The following MTFR1L variants were observed in gnomAD, a reference collection of about 807,000 sequenced individuals.
MTFR1L encodes the protein mitochondrial fission regulator 1 like.
A neutral mutation model predicts 27.9 loss-of-function variants in MTFR1L; 10 were observed. That is an observed-to-expected ratio of 0.36 (90% CI 0.22 to 0.61). The LOEUF (loss-of-function observed/expected upper bound fraction) is 0.61. Ranked by LOEUF, MTFR1L falls within the 20% of genes least tolerant of loss-of-function variation. MTFR1L has a pLI of 0.73. For missense variants in MTFR1L, 315 were observed against 363.7 expected, an observed-to-expected ratio of 0.87 and a Z score of 1.09; for synonymous variants, 151 against 139.4, an observed-to-expected ratio of 1.08 and a Z score of -0.58.
chr1:25,823,788 A>G (rs1259678897), intron 3 of MTFR1L, 40 bp downstream of exon 3: 3 of 1,606,008 alleles, frequency 1.9e-6, no homozygotes, highest in Non-Finnish European at 8.5e-7. Flanking sequence ...AGGCTCAGAC[A>G]GTGCTGCTTC....
At chr1:25,823,884 T>G in intron 3 of MTFR1L, 136 bp downstream of exon 3, 1 of 1,147,538 alleles carries the variant, frequency 8.7e-7, no homozygotes, top group Non-Finnish European at 1.2e-6. Flanking sequence ...TAAATGCTTA[T>G]AAGATATCCT....
At position 25,826,139 on chromosome 1, in the gene MTFR1L, C is replaced by T; in HGVS notation, c.130-163C>T. 1.7e-6 allele frequency: 1 copy of T among 595,700 alleles called. No homozygotes were observed. Among genetic ancestry groups the T allele is most frequent in the South Asian group, 2.0e-5 (1 of 49,554 alleles). The allele number at this position is 595,700 out of a possible 1,614,324, so 36.9% of individuals were successfully genotyped here. A position where few individuals can be genotyped will look rare whatever the true frequency, so the allele number is the denominator to read the frequency against. On this transcript the variant is annotated intron_variant, in intron 3 of 6. Transcript: ENST00000374303. This position sits in a 1 kb window ranked among gnomAD's most constrained non-coding sequence, Gnocchi z 4.1. ...GTGAGCCACCATGCCTGACTGTCAT[C>T]TGGCCTCTGTTCAATGTTTTCGACC...
Position 25,832,091 on chromosome 1 carries a change from C to T in MTFR1L, c.*65C>T, listed in dbSNP as rs760881358. The T allele has an allele frequency of 1.9e-6, 3 of 1,612,368 alleles. No individual in the cohort carries two copies. Among genetic ancestry groups the T allele is most frequent in the Non-Finnish European group, 2.5e-6 (3 of 1,179,668 alleles). Reference sequence around the variant, plus strand: ...ATACCTTCAATAGCTGCCTTCCTCACCGCAGATGTTTCTGCCTCTTAAGGA... The same window carrying T: ...ATACCTTCAATAGCTGCCTTCCTCATCGCAGATGTTTCTGCCTCTTAAGGA... On this transcript the variant is annotated 3_prime_UTR_variant, in exon 7 of 7. Coordinates refer to ENST00000374303, the MANE Select transcript of MTFR1L (RefSeq NM_001099625.2).
chr1:25,829,487 T>G, intron 5 of MTFR1L, 22 bp from the exon 6 acceptor site: 3 of 1,605,304 alleles, frequency 1.9e-6, no homozygotes, highest in Non-Finnish European at 2.6e-6. Context: ...TGTCCACCCA[T>G]GCCTATTGTT....
intron 2 of MTFR1L, 194 bp downstream of exon 2, chr1:25,823,322 G>T (rs2048122683): frequency 2.7e-6 from 2 of 730,828 alleles, no homozygotes; most frequent in Admixed American, 4.0e-5. Flanking sequence ...TCAGGAGTCA[G>T]TGTATGTCTG....
chr1:25,828,247 T>C (rs1427552789), intron 5 of MTFR1L, among the ~76,000 whole-genome samples: 1 of 152,166 alleles, frequency 6.6e-6, no homozygotes, highest in East Asian at 1.9e-4. Context: ...TGGTGGACTT[T>C]TTTGGTGGAA....
In MTFR1L at chr1:25,832,010, G is replaced by A. The variant is rs1455698877; in HGVS notation, c.863G>A (p.Ser288Asn). 1 of 1,614,078 alleles carries A rather than the reference G, an allele frequency of 6.2e-7. No individual in the cohort carries two copies. The highest frequency in any genetic ancestry group is 8.5e-7 in the Non-Finnish European group (1 of 1,180,048). ...RKFALKEEDI[S>N]RKGN ...TTTGCTCTAAAGGAAGAAGATATCA[G>A]TAGAAAAGGAAATTGACAACCCTCA... is the stretch of plus-strand genomic sequence containing the variant. The change falls in exon 7 of 7, where the codon AGT becomes AAT. Residue 288 changes from serine to asparagine, a missense_variant. By Grantham distance (46) the Ser-to-Asn change is conservative. Transcript: ENST00000374303.
chr1:25,826,104 G>T lies in MTFR1L; in HGVS notation c.130-198G>T, dbSNP rs1572249108. ...CCTGCCTCGGCCTCCCAAATGCTGG[G>T]ATTACAGGTGTGAGCCACCATGCCT... On this transcript the variant is annotated intron_variant, in intron 3 of 6. Transcript: ENST00000374303. This position sits in a 1 kb window ranked among gnomAD's most constrained non-coding sequence, Gnocchi z 4.1. The T allele has an allele frequency of 3.7e-6, 2 of 545,554 alleles. No individual in the cohort carries two copies. Among genetic ancestry groups the T allele is most frequent in the East Asian group, 6.3e-5 (2 of 31,544 alleles). 33.8% of individuals were successfully genotyped at this position (545,554 alleles called of 1,614,324 possible).
chr1:25,823,487 C>A, intron 2 of MTFR1L, 157 bp from the exon 3 acceptor site: 1 of 1,226,272 alleles, frequency 8.2e-7, no homozygotes, highest in Non-Finnish European at 1.2e-6. Context: ...AACTGGGGAA[C>A]CTGCCCTCAC....
chr1:25,823,232 C>A, intron 2 of MTFR1L, 104 bp downstream of exon 2: 1 of 1,167,678 alleles, frequency 8.6e-7, no homozygotes, highest in Non-Finnish European at 1.3e-6. Context: ...GCACTCCTTT[C>A]TCCAGAGGCC....
At chr1:25,821,984 C>T (rs1018676526) in intron 1 of MTFR1L, 1 of 152,236 alleles carries the variant, frequency 6.6e-6, no homozygotes, top group Admixed American at 6.5e-5. Flanking sequence ...GTTTGATGAA[C>T]AAGTGAATGA....
intron 1 of MTFR1L, chr1:25,822,405 T>C (rs1296813892): frequency 6.5e-6 from 1 of 155,022 alleles, no homozygotes; most frequent in East Asian, 1.9e-4. Flanking sequence ...GTACTTATAA[T>C]TTGGCTAGAT....
chr1:25,826,205 C>T lies in MTFR1L; in HGVS notation c.130-97C>T. On this transcript the variant is annotated intron_variant, in intron 3 of 6. Coordinates refer to ENST00000374303, the MANE Select transcript of MTFR1L (RefSeq NM_001099625.2). This position sits in a 1 kb window ranked among gnomAD's most constrained non-coding sequence, Gnocchi z 4.1. Reference sequence around the variant, plus strand: ...CCCCCTCTAGGAAGCCTTCCTGACACCCAGTGCCGGATTAGGTACCCCTCC... The same window carrying T: ...CCCCCTCTAGGAAGCCTTCCTGACATCCAGTGCCGGATTAGGTACCCCTCC... 3.0e-6 allele frequency: 3 copies of T among 998,430 alleles called. No individual in the cohort carries two copies. The highest frequency in any genetic ancestry group is 4.6e-6 in the Non-Finnish European group (3 of 654,438). The allele number at this position is 998,430 out of a possible 1,614,324, so 61.8% of individuals were successfully genotyped here. A position where few individuals can be genotyped will look rare whatever the true frequency, so the allele number is the denominator to read the frequency against.
intron 1 of MTFR1L, chr1:25,821,096 T>A (rs2048085677): frequency 4.0e-6 from 1 of 250,158 alleles, no homozygotes; most frequent in Non-Finnish European, 7.8e-6. Context: ...GCCTTGGTGC[T>A]CAGTGAATGT....
rs376674283 is a variant in MTFR1L at position 25,830,823 on chromosome 1, A to G, written c.773+993A>G. On this transcript the variant is annotated intron_variant, in intron 6 of 6. Transcript: ENST00000374303. ...GTAGACCAGGCTAAGTGACTCCCTCATTGCTTCCTGGCAGTTGACCCATTT... is the reference window on the plus strand; with the variant it reads ...GTAGACCAGGCTAAGTGACTCCCTCGTTGCTTCCTGGCAGTTGACCCATTT... Among the ~76,000 whole-genome samples, 4 of 152,208 alleles carry G rather than the reference A, an allele frequency of 2.6e-5. No homozygotes were observed. The South Asian group carries it at 6.2e-4, about 24-fold the overall frequency.
intron 1 of MTFR1L, 142 bp from the exon 2 acceptor site, chr1:25,822,877 G>T: frequency 1.5e-6 from 1 of 656,242 alleles, no homozygotes; most frequent in Non-Finnish European, 2.7e-6. Flanking sequence ...TAAGTGTTGG[G>T]TGAGGGCAGC....
intron 1 of MTFR1L, 103 bp downstream of exon 1, chr1:25,820,132 G>T: frequency 4.4e-6 from 2 of 450,352 alleles, no homozygotes; most frequent in East Asian, 7.1e-5. Context: ...CGCAGCTCCT[G>T]TTCCCGCGCG....
Position 25,826,587 on chromosome 1 carries a change from C to T in MTFR1L, c.240-28C>T. On this transcript the variant is annotated intron_variant, in intron 4 of 6. Transcript: ENST00000374303. This position sits in a 1 kb window ranked among gnomAD's most constrained non-coding sequence, Gnocchi z 4.1. ...GAGCACAGTGGCCTGCTGTCTCTAA[C>T]TGATCTACTTGGTTTTCCCTGGTCC... 1.2e-6 allele frequency: 2 copies of T among 1,613,640 alleles called. No homozygotes were observed. The highest frequency in any genetic ancestry group is 1.7e-6 in the Non-Finnish European group (2 of 1,179,536).
intron 1 of MTFR1L, 158 bp from the exon 2 acceptor site, chr1:25,822,861 T>TA: frequency 1.9e-6 from 1 of 531,306 alleles, no homozygotes; most frequent in East Asian, 3.1e-5. Context: ...AGTCTGGACT[T>TA]AGAGCTAAGT....
Sources: allele counts gnomAD v4.1 joint callset (sites outside exome capture counted in the v4.1 genomes callset), GRCh38; gene constraint gnomAD v4.1.1; non-coding constraint Gnocchi (gnomAD v3.1); transcripts MANE v1.5; gene names NCBI Gene and HGNC (gene_info 2026-07-23, HGNC 2026-07-21).